NFIC: variants seen among roughly 807,000 people sequenced by gnomAD.
NFIC encodes the protein nuclear factor I C, also known as nuclear factor 1 C-type.
NFIC carries 12 observed loss-of-function variants against 54.4 expected under a neutral mutation model. That is an observed-to-expected ratio of 0.22 (90% confidence interval 0.14 to 0.36). The LOEUF is 0.36. Ranked by LOEUF, NFIC falls within the 10% of genes least tolerant of loss-of-function variation. NFIC has a pLI of 1.00. For missense variants in NFIC, 575 were observed against 718.2 expected (o/e 0.80, Z 2.28); for synonymous variants, 322 against 319.2 (o/e 1.01, Z -0.09).
chr19:3,445,041 A>C (rs1191566353), intron 6 of NFIC, among the ~76,000 whole-genome samples: 1 of 152,198 alleles, frequency 6.6e-6, no homozygotes, highest in African/African-American at 2.4e-5. Flanking sequence ...ATACACAGAT[A>C]TGAACGTGCA....
At position 3,463,911 on chromosome 19, in the gene NFIC, C is replaced by T. The variant is rs531885692; in HGVS notation, c.*1142C>T. ...AATGGCCGCGGGCCTCCTCCCCCTC[C>T]CCTCCAGCCTCTCCACCAGCCCCTC... On this transcript the variant is annotated 3_prime_UTR_variant, in exon 11 of 11. Coordinates refer to ENST00000443272, the MANE Select transcript of NFIC (RefSeq NM_001245002.2). The T allele has an allele frequency of 7.2e-4, 697 of 970,972 alleles. 4 individuals are homozygous for T. In the African/African-American group the frequency reaches 0.012, roughly 16 times the overall value. 60.1% of individuals were successfully genotyped at this position (970,972 alleles called of 1,614,324 possible).
rs1250655486 is a variant in NFIC at position 3,453,382 on chromosome 19, G to A, written c.1270-381G>A. On this transcript the variant is annotated intron_variant, in intron 8 of 10. Transcript: ENST00000443272. This position sits in a 1 kb window ranked among gnomAD's most constrained non-coding sequence, Gnocchi z 6.7. ...AGAGCTTTTCGGACTTTGGAACCACGGGCCAGGCCGTGGATGATGGTGGAT... is the reference window on the plus strand; with the variant it reads ...AGAGCTTTTCGGACTTTGGAACCACAGGCCAGGCCGTGGATGATGGTGGAT... 6.6e-6 allele frequency among the ~76,000 whole-genome samples: 1 copy of A among 152,218 alleles called. No individual in the cohort carries two copies. Among genetic ancestry groups the A allele is most frequent in the African/African-American group, 2.4e-5 (1 of 41,454 alleles).
In NFIC at chr19:3,370,332, A is replaced by C. The variant is rs3764593; in HGVS notation, c.30+3666A>C. Among the ~76,000 whole-genome samples, 10,527 of 150,424 alleles carry C rather than the reference A, an allele frequency of 0.07. 988 individuals are homozygous for C. Among genetic ancestry groups the C allele is most frequent in the East Asian group, 0.43 (2,162 of 5,086 alleles). On this transcript the variant is annotated intron_variant, in intron 1 of 10. Transcript: ENST00000443272. This position sits in a 1 kb window ranked among gnomAD's most constrained non-coding sequence, Gnocchi z 5.2. ...GATTCACTCTCTACAAGGCTCCACC[A>C]CTCTCCCGCTGTATCTCCCTCTGGG...
At chr19:3,432,617 C>T (rs991595084) in intron 3 of NFIC, among the ~76,000 whole-genome samples, 8 of 151,404 alleles carry the variant, frequency 5.3e-5, no homozygotes, top group Non-Finnish European at 1.0e-4. Context: ...CCCCAGATCA[C>T]ACACCGAGGC....
At chr19:3,448,574 G>A (rs2082407304) in intron 6 of NFIC, among the ~76,000 whole-genome samples, 2 of 152,146 alleles carry the variant, frequency 1.3e-5, no homozygotes, top group Admixed American at 1.3e-4. Flanking sequence ...CCGCGTGGAC[G>A]AGGGAAGGCA....
rs1176215106 is a variant in NFIC, at chr19:3,467,789, A to ATATATATATATATATATATATATATATAT, written c.*5020_*5021insTATATATATATATATATATATATATATAT. The ATATATATATATATATATATATATATATAT allele has an allele frequency of 2.3e-5, 3 of 129,354 alleles. No individual in the cohort carries two copies. Among genetic ancestry groups the ATATATATATATATATATATATATATATAT allele is most frequent in the Non-Finnish European group, 3.2e-5 (2 of 63,064 alleles). The allele number at this position is 129,354 out of a possible 1,614,324, so 8.0% of individuals were successfully genotyped here. A position where few individuals can be genotyped will look rare whatever the true frequency, so the allele number is the denominator to read the frequency against. ...TATATATATATATATATATATATAT[A>ATATATATATATATATATATATATATATAT]ATTTTGGAATTTGTTTCTCATAATA... On this transcript the variant is annotated 3_prime_UTR_variant, in exon 11 of 11. Transcript: ENST00000443272.
chr19:3,396,194 G>A (rs760092544), intron 2 of NFIC, among the ~76,000 whole-genome samples: 3 of 152,164 alleles, frequency 2.0e-5, no homozygotes, highest in East Asian at 1.9e-4. Flanking sequence ...TTTCCGGGCC[G>A]GGCGCGGCGG....
chr19:3,370,114 T>C lies in NFIC; in HGVS notation c.30+3448T>C, dbSNP rs1241955766. Reference sequence around the variant, plus strand: ...AGGTTCTTAGAGGGAGCTTGGGGGGTGCCTACCAGGAGCAGGGGGCCTGCA... The same window carrying C: ...AGGTTCTTAGAGGGAGCTTGGGGGGCGCCTACCAGGAGCAGGGGGCCTGCA... On this transcript the variant is annotated intron_variant, in intron 1 of 10. Coordinates refer to ENST00000443272, the MANE Select transcript of NFIC (RefSeq NM_001245002.2). The surrounding 1 kb of genome is among the most constrained non-coding windows in gnomAD (Gnocchi z 5.2). Among the ~76,000 whole-genome samples, 1 of 151,732 alleles carries C rather than the reference T, an allele frequency of 6.6e-6. No individual in the cohort carries two copies. Among genetic ancestry groups the C allele is most frequent in the Admixed American group, 6.6e-5 (1 of 15,242 alleles).
intron 1 of NFIC, among the ~76,000 whole-genome samples, chr19:3,376,638 G>A (rs534615295): frequency 6.6e-6 from 1 of 152,228 alleles, no homozygotes; most frequent in East Asian, 1.9e-4. Flanking sequence ...GGAAGCTGAC[G>A]TGGGAGAATC....
rs968517148 is a variant in NFIC at position 3,435,211 on chromosome 19, G to A, written c.958+4G>A. 9 of 1,579,536 alleles carry A rather than the reference G, an allele frequency of 5.7e-6. No homozygotes were observed. Among genetic ancestry groups the A allele is most frequent in the Non-Finnish European group, 6.9e-6 (8 of 1,157,338 alleles). ...TGGACGGAGGACATGGAAGGAGGTA[G>A]GGCTGGTGGCGGGGGCGGAGCCGGC... On this transcript the variant is annotated splice_donor_region_variant and intron_variant, in intron 6 of 10. Coordinates refer to ENST00000443272, the MANE Select transcript of NFIC (RefSeq NM_001245002.2).
In NFIC at chr19:3,464,585, GC is replaced by G. The variant is rs2082691090; in HGVS notation, c.*1821del. On this transcript the variant is annotated 3_prime_UTR_variant, in exon 11 of 11. Transcript: ENST00000443272. ...CTAGGGAAAAACTCCCCCCACCACT[GC>G]CCCCTCCCCCGACCCAGGCCAAAGC... 4.5e-6 allele frequency: 4 copies of G among 887,938 alleles called. No homozygotes were observed. The highest frequency in any genetic ancestry group is 3.9e-6 in the Non-Finnish European group (3 of 779,214). 55.0% of individuals were successfully genotyped at this position (887,938 alleles called of 1,614,324 possible).
chr19:3,418,074 G>A (rs952023326), intron 2 of NFIC, among the ~76,000 whole-genome samples: 1 of 150,534 alleles, frequency 6.6e-6, no homozygotes, highest in African/African-American at 2.4e-5. Context: ...GTTCAACTGA[G>A]CAACTTAAAA....
intron 2 of NFIC, among the ~76,000 whole-genome samples, chr19:3,419,474 A>G (rs1210214183): frequency 6.6e-6 from 1 of 151,986 alleles, no homozygotes; most frequent in Non-Finnish European, 1.5e-5. Flanking sequence ...ACCCTGTCTC[A>G]AAAACAAAAT....
At chr19:3,421,702 G>A (rs767893881) in intron 2 of NFIC, among the ~76,000 whole-genome samples, 5 of 152,220 alleles carry the variant, frequency 3.3e-5, no homozygotes, top group African/African-American at 9.6e-5. Context: ...TTAGCACGGC[G>A]CCAGGCTAAC....
chr19:3,388,054 GC>G (rs1293420025), intron 2 of NFIC, among the ~76,000 whole-genome samples: 1 of 152,178 alleles, frequency 6.6e-6, no homozygotes, highest in Admixed American at 6.5e-5. Flanking sequence ...CGAGCCGCCA[GC>G]CCAGATGGTG....
rs1360379405 is a variant in NFIC at position 3,369,596 on chromosome 19, C to G, written c.30+2930C>G. On this transcript the variant is annotated intron_variant, in intron 1 of 10. Coordinates refer to ENST00000443272, the MANE Select transcript of NFIC (RefSeq NM_001245002.2). The surrounding 1 kb of genome is among the most constrained non-coding windows in gnomAD (Gnocchi z 4.3). ...GAGTGGGGAGTGGGTGCTGGCGGCCCTGGGGCATTCTGGGAGCCCCGGGCC... is the reference window on the plus strand; with the variant it reads ...GAGTGGGGAGTGGGTGCTGGCGGCCGTGGGGCATTCTGGGAGCCCCGGGCC... Among the ~76,000 whole-genome samples the G allele has an allele frequency of 6.6e-6, 1 of 152,214 alleles. No homozygotes were observed. The highest frequency in any genetic ancestry group is 2.4e-5 in the African/African-American group (1 of 41,470).
chr19:3,361,388 G>A (rs1026474435), intron 1 of NFIC, among the ~76,000 whole-genome samples: 24 of 152,130 alleles, frequency 1.6e-4, no homozygotes, highest in African/African-American at 4.8e-4. Flanking sequence ...TAGGGGCACC[G>A]GGACTGGTCC....
chr19:3,447,691 C>T (rs1326667299), intron 6 of NFIC, among the ~76,000 whole-genome samples: 1 of 152,240 alleles, frequency 6.6e-6, no homozygotes, highest in African/African-American at 2.4e-5. Flanking sequence ...AATTCCAGAG[C>T]TTTACAGAAT....
At chr19:3,429,003 G>A (rs988334880) in intron 3 of NFIC, among the ~76,000 whole-genome samples, 24 of 151,912 alleles carry the variant, frequency 1.6e-4, no homozygotes, top group African/African-American at 5.8e-4. Context: ...TGTAACAGGG[G>A]GCCGGGTGCG....
Sources: gnomAD v4.1 joint callset for allele counts (sites outside exome capture counted in the v4.1 genomes callset) on GRCh38, gnomAD v4.1.1 for gene constraint, Gnocchi (gnomAD v3.1) non-coding constraint, MANE v1.5 for transcripts, NCBI Gene and HGNC (gene_info 2026-07-23, HGNC 2026-07-21) for gene names.